The following CAMTA1 variants were observed in gnomAD, a reference collection of about 807,000 sequenced individuals.
CAMTA1 encodes calmodulin binding transcription activator 1.
A neutral mutation model predicts 170.9 loss-of-function variants in CAMTA1; 27 were observed. The ratio of observed to expected loss-of-function variants is 0.16; its 90% CI spans 0.12 to 0.22. The LOEUF (loss-of-function observed/expected upper bound fraction) is 0.22, where lower values mean the gene tolerates loss of function less well. Among genes scored for constraint, CAMTA1 ranks in the 10% least tolerant of loss-of-function variants. The pLI, the probability that CAMTA1 is intolerant of heterozygous loss-of-function variation, is 1.00. For missense variants in CAMTA1, 1,619 were observed against 2,217.2 expected (o/e 0.73, Z 5.42); for synonymous variants, 833 against 891.5 (o/e 0.93, Z 1.17).
chr1:7,348,530 G>A (rs936193606), intron 5 of CAMTA1, among the ~76,000 whole-genome samples: 11 of 151,726 alleles, frequency 7.2e-5, no homozygotes, highest in Non-Finnish European at 1.6e-4. Context: ...CAGGAACATG[G>A]CAGAAACAGG....
intron 11 of CAMTA1, among the ~76,000 whole-genome samples, chr1:7,679,080 G>T (rs6695390): frequency 0.41 from 62,806 of 152,144 alleles, 13,140 homozygotes; most frequent in Middle Eastern, 0.45. Context: ...GCACCGAGCT[G>T]CCCTTGGCAG....
chr1:7,757,620 A>G (rs1577462527), intron 22 of CAMTA1, among the ~76,000 whole-genome samples: 1 of 151,994 alleles, frequency 6.6e-6, no homozygotes. Context: ...TACAAAAATT[A>G]GCTGGCCATG....
At chr1:6,968,160 C>G (rs1423982034) in intron 3 of CAMTA1, among the ~76,000 whole-genome samples, 1 of 152,226 alleles carries the variant, frequency 6.6e-6, no homozygotes, top group South Asian at 2.1e-4. Context: ...CAGATGGCAC[C>G]CTCAGGAGCA....
intron 5 of CAMTA1, among the ~76,000 whole-genome samples, chr1:7,309,387 C>T (rs1421693065): frequency 6.7e-6 from 1 of 149,776 alleles, no homozygotes; most frequent in East Asian, 2.0e-4. Context: ...GCAACTTCCG[C>T]CTCCTGGGTT....
chr1:7,048,035 T>TC (rs2101550768), intron 3 of CAMTA1, among the ~76,000 whole-genome samples: 1 of 152,244 alleles, frequency 6.6e-6, no homozygotes, highest in Admixed American at 6.5e-5. Flanking sequence ...CTAGGCTGAG[T>TC]CATTCTGAGA....
chr1:6,818,206 G>A lies in CAMTA1; in HGVS notation c.46-1975G>A, dbSNP rs183652699. On this transcript the variant is annotated intron_variant, in intron 1 of 22. Transcript: ENST00000303635. ...ACACAAATTAGCCAGGCATGGTGGC[G>A]GACACCTGTGATCCCAGCTACTCAG... Among the ~76,000 whole-genome samples, 25 of 152,148 alleles carry A rather than the reference G, an allele frequency of 1.6e-4. No individual in the cohort carries two copies. In the East Asian group the frequency reaches 3.1e-3, roughly 19 times the overall value.
intron 3 of CAMTA1, among the ~76,000 whole-genome samples, chr1:6,852,747 T>C (rs1316906329): frequency 6.6e-6 from 1 of 152,232 alleles, no homozygotes; most frequent in African/African-American, 2.4e-5. Flanking sequence ...GTTTGGGTTT[T>C]TATGGAGGCT....
At chr1:6,878,489 A>G (rs893623145) in intron 3 of CAMTA1, among the ~76,000 whole-genome samples, 1 of 152,262 alleles carries the variant, frequency 6.6e-6, no homozygotes, top group Non-Finnish European at 1.5e-5. Context: ...GCCACGGTAT[A>G]GCAGTACAGA....
intron 11 of CAMTA1, among the ~76,000 whole-genome samples, chr1:7,713,627 C>G (rs2096587681): frequency 6.6e-6 from 1 of 152,170 alleles, no homozygotes; most frequent in Non-Finnish European, 1.5e-5. Flanking sequence ...GTTTGCTGAT[C>G]AATAGCTCGT....
chr1:7,334,608 G>C (rs539970236), intron 5 of CAMTA1, among the ~76,000 whole-genome samples: 1 of 152,292 alleles, frequency 6.6e-6, no homozygotes, highest in Admixed American at 6.5e-5. Context: ...TCCCCCGGGG[G>C]ATGTCTCTCT....
In CAMTA1 at chr1:7,767,767, A is replaced by C. The variant is rs2097031885; in HGVS notation, c.*1276A>C. Reference sequence around the variant, plus strand: ...TATGGTCTGTAAAATGAAACAAAAAAACTTTATTTCACTATAAGAGTACTT... The same window carrying C: ...TATGGTCTGTAAAATGAAACAAAAACACTTTATTTCACTATAAGAGTACTT... On this transcript the variant is annotated 3_prime_UTR_variant, in exon 23 of 23. Transcript: ENST00000303635. 6.6e-6 allele frequency: 1 copy of C among 152,382 alleles called. No homozygotes were observed. The highest frequency in any genetic ancestry group is 6.6e-5 in the Admixed American group (1 of 15,234). The allele number at this position is 152,382 out of a possible 1,614,324, so 9.4% of individuals were successfully genotyped here. A position where few individuals can be genotyped will look rare whatever the true frequency, so the allele number is the denominator to read the frequency against.
chr1:7,206,092 A>G (rs990408384), intron 4 of CAMTA1, among the ~76,000 whole-genome samples: 3 of 152,126 alleles, frequency 2.0e-5, no homozygotes, highest in Non-Finnish European at 4.4e-5. Context: ...ACACTGTTTT[A>G]ATTATGAAGG....
chr1:7,638,852 C>A (rs1359751007), intron 6 of CAMTA1, among the ~76,000 whole-genome samples: 1 of 152,220 alleles, frequency 6.6e-6, no homozygotes, highest in Non-Finnish European at 1.5e-5. Flanking sequence ...CCCAGGGACA[C>A]TGCTGCCTTA....
At chr1:7,669,577 GCT>G (rs937295711) in intron 9 of CAMTA1, among the ~76,000 whole-genome samples, 1 of 152,186 alleles carries the variant, frequency 6.6e-6, no homozygotes, top group African/African-American at 2.4e-5. Context: ...GGGAAGGTGG[GCT>G]CACAGCAGCT....
At chr1:7,465,012 T>A (rs1043254155) in intron 5 of CAMTA1, among the ~76,000 whole-genome samples, 20 of 152,220 alleles carry the variant, frequency 1.3e-4, no homozygotes, top group African/African-American at 4.6e-4. Context: ...ACAAGTCTGC[T>A]TTCCTTGAAA....
chr1:7,751,948 G>C (rs2096900843), intron 20 of CAMTA1, among the ~76,000 whole-genome samples: 1 of 152,234 alleles, frequency 6.6e-6, no homozygotes, highest in African/African-American at 2.4e-5. Context: ...GGAAATGAGT[G>C]AAATTGTAGA....
rs191971155 is a variant in CAMTA1, at chr1:7,267,527, G to A, written c.438+17901G>A. Among the ~76,000 whole-genome samples the A allele has an allele frequency of 3.8e-3, 585 of 152,274 alleles. 1 individual carries two copies. The highest frequency in any genetic ancestry group is 0.014 in the African/African-American group (562 of 41,572). ...GGCCCCTGTAGCCAGAGGCTCCAGA[G>A]GCTCTCTGTAGCAGTGTGCCAGATG... is the stretch of plus-strand genomic sequence containing the variant. On this transcript the variant is annotated intron_variant, in intron 5 of 22. Coordinates refer to ENST00000303635, the MANE Select transcript of CAMTA1 (RefSeq NM_015215.4).
intron 6 of CAMTA1, among the ~76,000 whole-genome samples, chr1:7,540,439 C>G (rs188035331): frequency 2.0e-3 from 302 of 152,274 alleles, no homozygotes; most frequent in African/African-American, 6.3e-3. Context: ...TGCCACCCCC[C>G]ACCCAGGAAA....
chr1:7,075,272 G>A (rs932401487), intron 3 of CAMTA1, among the ~76,000 whole-genome samples: 5 of 152,102 alleles, frequency 3.3e-5, no homozygotes, highest in East Asian at 1.9e-4. Flanking sequence ...TTAGCAAGTC[G>A]TCAGAAATGT....
Sources: gnomAD v4.1 joint callset for allele counts (sites outside exome capture counted in the v4.1 genomes callset) on GRCh38, gnomAD v4.1.1 for gene constraint, MANE v1.5 for transcripts, NCBI Gene and HGNC (gene_info 2026-07-23, HGNC 2026-07-21) for gene names.